The following RYR2 variants were observed in gnomAD, a reference collection of about 807,000 sequenced individuals.
The protein encoded by RYR2 is cardiac muscle ryanodine receptor-calcium release channel.
In RYR2, 227 loss-of-function variants were observed where a neutral mutation model predicts 601.1. The ratio of observed to expected loss-of-function variants is 0.38; its 90% CI spans 0.34 to 0.42. The LOEUF (loss-of-function observed/expected upper bound fraction) is 0.42. Among genes scored for constraint, RYR2 ranks in the 10% least tolerant of loss-of-function variants. The pLI, the probability that RYR2 is intolerant of heterozygous loss-of-function variation, is 1.00. For synonymous variants in RYR2, 2,223 were observed against 2,175.1 expected (o/e 1.02, Z -0.61); for missense variants, 4,646 against 6,156.5 (o/e 0.75, Z 8.21).
rs377491955 is a variant in RYR2 at position 237,831,568 on chromosome 1, A to G, written c.14808+3A>G. The G allele has an allele frequency of 3.7e-5, 56 of 1,530,888 alleles. No homozygotes were observed. The East Asian group carries it at 7.9e-4, about 22-fold the overall frequency. The allele number at this position is 1,530,888 out of a possible 1,614,324, so 94.8% of individuals were successfully genotyped here. On this transcript the variant is annotated splice_donor_region_variant and intron_variant, in intron 104 of 104. Transcript: ENST00000366574. ...ATGAAACAGAACACACAGGACAGGT[A>G]GGTAAATTATTACATGTCATCTTCT...
rs142907829 is a variant in RYR2 at position 237,571,471 on chromosome 1, C to G, written c.3598+2152C>G. 3.2e-3 allele frequency among the ~76,000 whole-genome samples: 493 copies of G among 152,062 alleles called. 12 individuals carry two copies. The East Asian group carries it at 0.061, about 19-fold the overall frequency. ...CTGGGATTACAGGGGTGTGCCAACA[C>G]GCCTCGCTAATTTTTGTATTTTTAG... On this transcript the variant is annotated intron_variant, in intron 29 of 104. Coordinates refer to ENST00000366574, the MANE Select transcript of RYR2 (RefSeq NM_001035.3).
intron 5 of RYR2, among the ~76,000 whole-genome samples, chr1:237,368,043 G>A (rs1052762160): frequency 1.3e-5 from 2 of 152,150 alleles, no homozygotes; most frequent in African/African-American, 2.4e-5. Flanking sequence ...GGCTGCAGGA[G>A]GATGGGGAGA....
chr1:237,709,620 A>C, intron 70 of RYR2, 53 bp downstream of exon 70: 15 of 1,102,972 alleles, frequency 1.4e-5, no homozygotes, highest in Non-Finnish European at 1.7e-5. Flanking sequence ...GCACCTGCTT[A>C]CTTGCCTCCT....
chr1:237,652,877 A>G (rs1376268630), intron 51 of RYR2, among the ~76,000 whole-genome samples: 1 of 152,088 alleles, frequency 6.6e-6, no homozygotes, highest in Non-Finnish European at 1.5e-5. Context: ...GGATGTATGT[A>G]TGTGTCCATT....
intron 87 of RYR2, 63 bp downstream of exon 87, chr1:237,773,711 T>G: frequency 2.9e-6 from 4 of 1,388,758 alleles, no homozygotes; most frequent in Non-Finnish European, 4.0e-6. Flanking sequence ...GCAGTATATC[T>G]AGAGTAGTTT....
At chr1:237,709,401 C>CT in intron 69 of RYR2, 79 bp from the exon 70 acceptor site, 1 of 919,968 alleles carries the variant, frequency 1.1e-6, no homozygotes, top group Non-Finnish European at 1.7e-6. Context: ...GTACATTTAA[C>CT]TTTGGGGGGA....
At chr1:237,284,819 A>T (rs1243246634) in intron 2 of RYR2, among the ~76,000 whole-genome samples, 1 of 151,614 alleles carries the variant, frequency 6.6e-6, no homozygotes, top group Non-Finnish European at 1.5e-5. Flanking sequence ...TCTTGATTTG[A>T]TTCTCTGCTT....
At chr1:237,265,188 G>T (rs944856680) in intron 1 of RYR2, among the ~76,000 whole-genome samples, 10 of 152,166 alleles carry the variant, frequency 6.6e-5, no homozygotes, top group Non-Finnish European at 1.5e-4. Flanking sequence ...GTATTAACTA[G>T]AGAAGAGAGA....
At chr1:237,469,252 T>TAA in intron 17 of RYR2, 65 bp downstream of exon 17, 3 of 395,978 alleles carry the variant, frequency 7.6e-6, no homozygotes, top group Non-Finnish European at 7.7e-6. Context: ...TTCGTATCCT[T>TAA]TAAGACAAAA....
At chr1:237,376,282 A>G (rs148448590) in intron 7 of RYR2, among the ~76,000 whole-genome samples, 4 of 152,326 alleles carry the variant, frequency 2.6e-5, no homozygotes, top group African/African-American at 7.2e-5. Flanking sequence ...CACAGATTAC[A>G]TGTTGACTGT....
intron 10 of RYR2, 116 bp from the exon 11 acceptor site, chr1:237,416,933 A>C: frequency 3.7e-6 from 3 of 807,544 alleles, no homozygotes; most frequent in Non-Finnish European, 4.2e-6. Context: ...GTATAACTTT[A>C]ACTGTTTACT....
intron 26 of RYR2, 108 bp downstream of exon 26, chr1:237,548,698 T>A: frequency 1.5e-6 from 2 of 1,320,580 alleles, no homozygotes. Flanking sequence ...ATCATATAGA[T>A]CACATATAGT....
At chr1:237,338,308 C>T (rs574799250) in intron 3 of RYR2, among the ~76,000 whole-genome samples, 1 of 152,150 alleles carries the variant, frequency 6.6e-6, no homozygotes, top group African/African-American at 2.4e-5. Flanking sequence ...TATGTACATA[C>T]CAATTTATAG....
intron 1 of RYR2, among the ~76,000 whole-genome samples, chr1:237,065,151 C>T (rs1489181540): frequency 6.6e-6 from 1 of 151,926 alleles, no homozygotes; most frequent in African/African-American, 2.4e-5. Flanking sequence ...AGAAAGTTAG[C>T]ATTGCTATAA....
At chr1:237,426,925 C>T (rs867964814) in intron 12 of RYR2, among the ~76,000 whole-genome samples, 11 of 151,960 alleles carry the variant, frequency 7.2e-5, no homozygotes, top group South Asian at 2.1e-4. Flanking sequence ...ATACATCTAA[C>T]GAAAATTGGA....
intron 1 of RYR2, among the ~76,000 whole-genome samples, chr1:237,189,480 C>T (rs1190676881): frequency 6.6e-6 from 1 of 152,168 alleles, no homozygotes; most frequent in Non-Finnish European, 1.5e-5. Context: ...ATTCCAAGCC[C>T]TGATGTAATG....
Position 237,732,063 on chromosome 1 carries a change from T to C in RYR2, c.10953T>C (p.Pro3651=). The C allele has an allele frequency of 1.2e-6, 2 of 1,604,828 alleles. No individual in the cohort carries two copies. Among genetic ancestry groups the C allele is most frequent in the Non-Finnish European group, 1.7e-6 (2 of 1,174,562 alleles). ...TTTTGCAGAAACCTGGGGCTGAACC[T>C]CCAGAAGAAGATGAAGGCACTAAGA... ...IEDLAKPGAE[P]PEEDEGTKRV... is the part of the protein sequence containing the mutation. Residue 3651 remains proline (P), a synonymous_variant, in exon 78 of 105, where the codon CCT becomes CCC. Transcript: ENST00000366574.
intron 29 of RYR2, among the ~76,000 whole-genome samples, chr1:237,578,116 TCC>T (rs1188936020): frequency 6.6e-6 from 1 of 152,000 alleles, no homozygotes; most frequent in Non-Finnish European, 1.5e-5. Context: ...GTTCTGAAAT[TCC>T]TAAAGAAGAA....
chr1:237,570,231 A>G (rs1016181086), intron 29 of RYR2, among the ~76,000 whole-genome samples: 2 of 151,514 alleles, frequency 1.3e-5, no homozygotes, highest in African/African-American at 4.8e-5. Flanking sequence ...AAAAAAAAAA[A>G]AGATGGAAGG....
Sources: gnomAD v4.1 joint callset for allele counts (sites outside exome capture counted in the v4.1 genomes callset) on GRCh38, gnomAD v4.1.1 for gene constraint, MANE v1.5 for transcripts, NCBI Gene and HGNC (gene_info 2026-07-23, HGNC 2026-07-21) for gene names.